The following RUBCN variants were observed in gnomAD, a reference collection of about 807,000 sequenced individuals.
RUBCN encodes run domain Beclin-1-interacting and cysteine-rich domain-containing protein.
RUBCN carries 74 observed loss-of-function variants against 113.2 expected under a neutral mutation model. The ratio of observed to expected loss-of-function variants is 0.65; its 90% CI spans 0.54 to 0.79. The LOEUF (loss-of-function observed/expected upper bound fraction) is 0.79. Ranked by LOEUF, RUBCN falls within the 30% of genes least tolerant of loss-of-function variation. The pLI, the probability that RUBCN is intolerant of heterozygous loss-of-function variation, is 0.00. For synonymous variants in RUBCN, 480 were observed against 490.0 expected, an observed-to-expected ratio of 0.98 and a Z score of 0.27; for missense variants, 1,109 against 1,251.7, an observed-to-expected ratio of 0.89 and a Z score of 1.72.
chr3:197,697,416 G>A (rs937045830), intron 7 of RUBCN, among the ~76,000 whole-genome samples: 5 of 152,172 alleles, frequency 3.3e-5, no homozygotes, highest in Admixed American at 3.3e-4. Context: ...GTCTTTAGAT[G>A]GTAAAACAAA....
chr3:197,688,703 C>T (rs773469311), intron 11 of RUBCN, among the ~76,000 whole-genome samples: 4 of 152,200 alleles, frequency 2.6e-5, no homozygotes, highest in Non-Finnish European at 5.9e-5. Flanking sequence ...AAAAGACTGT[C>T]TGAGATTGGG....
At position 197,670,061 on chromosome 3, in the gene RUBCN, G is replaced by T. The variant is rs1262534478; in HGVS notation, c.*4957C>A. Among the ~76,000 whole-genome samples the T allele has an allele frequency of 1.3e-5, 2 of 152,092 alleles. No homozygotes were observed. Among genetic ancestry groups the T allele is most frequent in the East Asian group, 1.9e-4 (1 of 5,192 alleles). On this transcript the variant is annotated 3_prime_UTR_variant, in exon 20 of 20. Transcript: ENST00000296343. ...CCGCCATCATGCCCAACTAGCTTTT[G>T]TATTTTTAGTAGAGACAAGGTTTCA... is the stretch of plus-strand genomic sequence containing the variant.
At position 197,675,555 on chromosome 3, in the gene RUBCN, A is replaced by G. The variant is rs763519930; in HGVS notation, c.2647-40T>C. 6.8e-6 allele frequency: 10 copies of G among 1,480,812 alleles called. No individual in the cohort carries two copies. The highest frequency in any genetic ancestry group is 9.4e-6 in the Non-Finnish European group (10 of 1,060,200). The allele number at this position is 1,480,812 out of a possible 1,614,324, so 91.7% of individuals were successfully genotyped here. A position where few individuals can be genotyped will look rare whatever the true frequency, so the allele number is the denominator to read the frequency against. ...CACAGATGGCAAAATGAGGAGCGGC[A>G]CATCAGGAACTGGCACGGGAGGGTG... On this transcript the variant is annotated intron_variant, in intron 18 of 19. Coordinates refer to ENST00000296343, the MANE Select transcript of RUBCN (RefSeq NM_014687.4). This position sits in a 1 kb window ranked among gnomAD's most constrained non-coding sequence, Gnocchi z 4.4.
intron 6 of RUBCN, 36 bp downstream of exon 6, chr3:197,701,672 G>C (rs892750755): frequency 6.2e-7 from 1 of 1,600,678 alleles, no homozygotes; most frequent in East Asian, 2.2e-5. Context: ...CAGGGCTGGG[G>C]ATAAATGTAA....
chr3:197,743,167 T>C (rs1728596996), intron 1 of RUBCN, among the ~76,000 whole-genome samples: 1 of 151,800 alleles, frequency 6.6e-6, no homozygotes, highest in African/African-American at 2.4e-5. Context: ...CTCTTGAGTT[T>C]CTTAAGGGCA....
chr3:197,747,842 C>T (rs1728815371), intron 1 of RUBCN, among the ~76,000 whole-genome samples: 1 of 151,930 alleles, frequency 6.6e-6, no homozygotes. Flanking sequence ...AGAGACTCTC[C>T]CAAAATCATA....
At chr3:197,727,421 C>A (rs901283373) in intron 1 of RUBCN, among the ~76,000 whole-genome samples, 7 of 152,162 alleles carry the variant, frequency 4.6e-5, no homozygotes, top group Non-Finnish European at 8.8e-5. Flanking sequence ...ACTTCCATTG[C>A]ATAAATCTAA....
chr3:197,703,432 A>AT (rs376307898), intron 5 of RUBCN, 116 bp downstream of exon 5: 5,326 of 437,136 alleles, frequency 0.012, 179 homozygotes, highest in African/African-American at 0.034. Context: ...AAAAAAAAAA[A>AT]TGCAAGCCTT....
At position 197,700,104 on chromosome 3, in the gene RUBCN, G is replaced by C. The variant is rs547702117; in HGVS notation, c.1261+509C>G. Among the ~76,000 whole-genome samples, 211 of 152,306 alleles carry C rather than the reference G, an allele frequency of 1.4e-3. 1 individual carries two copies. Among genetic ancestry groups the C allele is most frequent in the African/African-American group, 4.9e-3 (203 of 41,564 alleles). On this transcript the variant is annotated intron_variant, in intron 7 of 19. Transcript: ENST00000296343. ...TCCTTATCTGACGGCCTCTCACCCTGAATCAGTGATGCGGCCGTCAGCCCC... is the reference window on the plus strand; with the variant it reads ...TCCTTATCTGACGGCCTCTCACCCTCAATCAGTGATGCGGCCGTCAGCCCC...
At position 197,694,509 on chromosome 3, in the gene RUBCN, C is replaced by G; in HGVS notation, c.1550G>C (p.Cys517Ser). Residue 517 changes from cysteine (C) to serine (S), a missense_variant, in exon 10 of 20, where the codon TGC becomes TCC. This residue lies in a region of RUBCN where 736 missense variants were observed against 779.6 expected (regional missense o/e 0.94). Transcript: ENST00000296343. ...CTCTTCCACTTCCTCCTCCTCTAGGCACTGGCTCATCATGTTGCACTTCAT... is the reference window on the plus strand; with the variant it reads ...CTCTTCCACTTCCTCCTCCTCTAGGGACTGGCTCATCATGTTGCACTTCAT... ...ELMKCNMMSQCLEEEEVEEED... is the reference protein window; with the variant it reads ...ELMKCNMMSQSLEEEEVEEED... 1.2e-6 allele frequency: 2 copies of G among 1,614,200 alleles called. No homozygotes were observed. Among genetic ancestry groups the G allele is most frequent in the Non-Finnish European group, 1.7e-6 (2 of 1,180,014 alleles).
chr3:197,670,166 C>T lies in RUBCN; in HGVS notation c.*4852G>A, dbSNP rs574173649. ...CCTCCCAAAGTGCTGGGATTACAGG[C>T]GTGAGCCACTGTGTGCGGCTCACTA... On this transcript the variant is annotated 3_prime_UTR_variant, in exon 20 of 20. Coordinates refer to ENST00000296343, the MANE Select transcript of RUBCN (RefSeq NM_014687.4). 3.9e-5 allele frequency among the ~76,000 whole-genome samples: 6 copies of T among 152,304 alleles called. No homozygotes were observed. The highest frequency in any genetic ancestry group is 6.5e-5 in the Admixed American group (1 of 15,296).
intron 11 of RUBCN, among the ~76,000 whole-genome samples, chr3:197,692,097 A>G (rs993323709): frequency 2.0e-5 from 3 of 151,992 alleles, no homozygotes; most frequent in Non-Finnish European, 4.4e-5. Flanking sequence ...AGAGGGTTAG[A>G]GCTTTTACTC....
At chr3:197,707,930 C>T (rs1724499874) in intron 2 of RUBCN, among the ~76,000 whole-genome samples, 1 of 151,126 alleles carries the variant, frequency 6.6e-6, no homozygotes, top group African/African-American at 2.4e-5. Flanking sequence ...AGCCACTGCC[C>T]TCCAGCTTGG....
At chr3:197,721,041 T>C (rs1212114563) in intron 1 of RUBCN, among the ~76,000 whole-genome samples, 2 of 152,178 alleles carry the variant, frequency 1.3e-5, no homozygotes, top group African/African-American at 2.4e-5. Context: ...AGGATTTCTG[T>C]AGCTATACTC....
intron 2 of RUBCN, among the ~76,000 whole-genome samples, chr3:197,709,290 T>C (rs1724678121): frequency 1.3e-5 from 2 of 152,146 alleles, no homozygotes; most frequent in African/African-American, 4.8e-5. Context: ...TGTTTGCATG[T>C]TGAGGGAAAA....
intron 7 of RUBCN, among the ~76,000 whole-genome samples, chr3:197,698,754 A>G (rs2108896613): frequency 6.8e-6 from 1 of 147,014 alleles, no homozygotes; most frequent in East Asian, 2.1e-4. Flanking sequence ...AGCACTCGGG[A>G]GGCCAAGACA....
At position 197,697,054 on chromosome 3, in the gene RUBCN, T is replaced by C. The variant is rs1723092883; in HGVS notation, c.1262-5A>G. On this transcript the variant is annotated splice_polypyrimidine_tract_variant and splice_region_variant and intron_variant, in intron 7 of 19. Coordinates refer to ENST00000296343, the MANE Select transcript of RUBCN (RefSeq NM_014687.4). ...TCGCCTTATCATTGCAGGATTCTAATGACGATGACCACCAGCGAGTAAAAA... is the reference window on the plus strand; with the variant it reads ...TCGCCTTATCATTGCAGGATTCTAACGACGATGACCACCAGCGAGTAAAAA... 2.0e-6 allele frequency: 3 copies of C among 1,486,568 alleles called. No individual in the cohort carries two copies. In the Admixed American group the frequency reaches 5.0e-5, roughly 25 times the overall value. The allele number at this position is 1,486,568 out of a possible 1,614,324, so 92.1% of individuals were successfully genotyped here. A position where few individuals can be genotyped will look rare whatever the true frequency, so the allele number is the denominator to read the frequency against.
intron 2 of RUBCN, among the ~76,000 whole-genome samples, chr3:197,709,392 T>C (rs928419440): frequency 6.6e-6 from 1 of 152,174 alleles, no homozygotes; most frequent in South Asian, 2.1e-4. Context: ...GGGTTTTTTT[T>C]TTCTTTGAGA....
At chr3:197,727,347 A>T (rs1726877150) in intron 1 of RUBCN, among the ~76,000 whole-genome samples, 3 of 152,224 alleles carry the variant, frequency 2.0e-5, no homozygotes, top group African/African-American at 7.2e-5. Flanking sequence ...CTGACAATCT[A>T]GGGGAAGCAT....
Sources: allele counts gnomAD v4.1 joint callset (sites outside exome capture counted in the v4.1 genomes callset), GRCh38; gene constraint gnomAD v4.1.1; regional missense constraint gnomAD v4.1.1; non-coding constraint Gnocchi (gnomAD v3.1); transcripts MANE v1.5; gene names NCBI Gene and HGNC (gene_info 2026-07-23, HGNC 2026-07-21).